Variants in CRYBG1 observed in about 807,000 individuals in gnomAD.
CRYBG1 encodes crystallin beta-gamma domain containing 1, also known as beta/gamma crystallin domain-containing protein 1.
Under a neutral mutation model 189.2 loss-of-function variants are expected in CRYBG1, and 139 were observed. The observed-to-expected ratio is 0.73, with a 90% confidence interval of 0.64 to 0.85. CRYBG1 has a LOEUF of 0.85. CRYBG1 is among the 40% of genes least tolerant of loss of function. The probability of loss-of-function intolerance (pLI) is 0.00; values close to 1 mark genes in which losing one functional copy is unlikely to be tolerated. For missense variants in CRYBG1, 2,611 were observed against 2,675.8 expected (o/e 0.98, Z 0.53); for synonymous variants, 1,023 against 1,017.1 (o/e 1.01, Z -0.11).
chr6:106,447,685 G>A (rs545940266), intron 1 of CRYBG1, among the ~76,000 whole-genome samples: 6 of 151,864 alleles, frequency 4.0e-5, no homozygotes, highest in African/African-American at 1.5e-4. Context: ...ATTTATTAAG[G>A]TTGGCTTTTA....
chr6:106,483,382 A>G (rs61597792), intron 2 of CRYBG1, among the ~76,000 whole-genome samples: 50 of 112,510 alleles, frequency 4.4e-4, no homozygotes, highest in African/African-American at 1.2e-3. Flanking sequence ...GTGTGTGTAT[A>G]TATATATAGA....
At chr6:106,481,715 G>T (rs1399371046) in intron 2 of CRYBG1, among the ~76,000 whole-genome samples, 3 of 152,178 alleles carry the variant, frequency 2.0e-5, no homozygotes, top group Non-Finnish European at 2.9e-5. Context: ...GGGAAATGAG[G>T]CTGGGGTATT....
At chr6:106,479,592 G>A (rs763011321) in intron 2 of CRYBG1, among the ~76,000 whole-genome samples, 10 of 152,044 alleles carry the variant, frequency 6.6e-5, no homozygotes, top group Non-Finnish European at 1.5e-4. Flanking sequence ...ACCAACACTC[G>A]TTGTCTTTTT....
chr6:106,364,437 A>G (rs1449265268), intron 1 of CRYBG1, among the ~76,000 whole-genome samples: 3 of 152,226 alleles, frequency 2.0e-5, no homozygotes, highest in Non-Finnish European at 4.4e-5. Context: ...TGGTATAGAC[A>G]TTCTAATCAA....
intron 2 of CRYBG1, among the ~76,000 whole-genome samples, chr6:106,462,826 C>G (rs1251385626): frequency 1.3e-5 from 2 of 152,158 alleles, no homozygotes; most frequent in Admixed American, 6.5e-5. Context: ...GATCTTAACC[C>G]AGACTTTACT....
chr6:106,497,130 A>T (rs1476106497), intron 2 of CRYBG1, among the ~76,000 whole-genome samples: 1 of 152,156 alleles, frequency 6.6e-6, no homozygotes, highest in Non-Finnish European at 1.5e-5. Flanking sequence ...TGACACATAT[A>T]GTCCTAACCT....
At chr6:106,444,633 A>G (rs1771629919) in intron 1 of CRYBG1, among the ~76,000 whole-genome samples, 1 of 152,220 alleles carries the variant, frequency 6.6e-6, no homozygotes, top group Admixed American at 6.5e-5. Flanking sequence ...AATCATCAAA[A>G]TCAACATACT....
At chr6:106,423,942 C>A (rs1164032942) in intron 1 of CRYBG1, among the ~76,000 whole-genome samples, 2 of 151,940 alleles carry the variant, frequency 1.3e-5, no homozygotes, top group Admixed American at 6.6e-5. Flanking sequence ...TGGGCTCAAG[C>A]AATCTGCGCA....
intron 1 of CRYBG1, among the ~76,000 whole-genome samples, chr6:106,390,520 A>G (rs2114335447): frequency 6.6e-6 from 1 of 152,298 alleles, no homozygotes; most frequent in African/African-American, 2.4e-5. Flanking sequence ...TTGTGTATAT[A>G]CATGTAACCA....
At chr6:106,372,994 G>A (rs936280252) in intron 1 of CRYBG1, among the ~76,000 whole-genome samples, 7 of 152,150 alleles carry the variant, frequency 4.6e-5, no homozygotes, top group Admixed American at 2.6e-4. Flanking sequence ...CTCATTGAAC[G>A]AGTAGTTGGT....
rs771771321 is a variant in CRYBG1, at chr6:106,555,807, A to G, written c.5625A>G (p.Gln1875=). 50 of 1,614,168 alleles carry G rather than the reference A, an allele frequency of 3.1e-5. 1 individual carries two copies. In the East Asian group the frequency reaches 6.2e-4, roughly 20 times the overall value. The change falls in exon 17 of 22, where the codon CAA becomes CAG. Residue 1875 remains glutamine, a synonymous_variant. Coordinates refer to ENST00000633556, the MANE Select transcript of CRYBG1 (RefSeq NM_001371242.2). ...ATGGAGAAAATTTCACTGGTAATCA[A>G]TACGTGTTGGAAGAAGGCCATTATC... is the stretch of plus-strand genomic sequence containing the variant. ...VYDGENFTGN[Q]YVLEEGHYPC...
chr6:106,377,288 C>A (rs765850810), intron 1 of CRYBG1, among the ~76,000 whole-genome samples: 1 of 150,954 alleles, frequency 6.6e-6, no homozygotes, highest in Admixed American at 6.6e-5. Flanking sequence ...GTTTTGTGAG[C>A]TGAATGGATA....
chr6:106,553,494 C>A lies in CRYBG1; in HGVS notation c.5512C>A (p.Gln1838Lys). The change falls in exon 16 of 22, where the codon CAA becomes AAA. Residue 1838 changes from glutamine to lysine, a missense_variant. Gln to Lys is a moderately conservative substitution (Grantham distance 53). Coordinates refer to ENST00000633556, the MANE Select transcript of CRYBG1 (RefSeq NM_001371242.2). ...AGAACCACAGTTTCAAGGTCACAGT[C>A]AAAGTTTTGAAGAAACAACAAGTCA... ...FSEPQFQGHSQSFEETTSQID... is the reference protein window; with the variant it reads ...FSEPQFQGHSKSFEETTSQID... 2 of 1,613,830 alleles carry A rather than the reference C, an allele frequency of 1.2e-6. No homozygotes were observed. The highest frequency in any genetic ancestry group is 1.1e-5 in the South Asian group (1 of 91,054).
At chr6:106,558,888 A>G (rs1012273774) in intron 18 of CRYBG1, among the ~76,000 whole-genome samples, 1 of 152,178 alleles carries the variant, frequency 6.6e-6, no homozygotes, top group Non-Finnish European at 1.5e-5. Flanking sequence ...ACTTGAGCAC[A>G]GTAGGTTGAG....
chr6:106,488,218 G>A (rs1367317055), intron 2 of CRYBG1, among the ~76,000 whole-genome samples: 1 of 152,184 alleles, frequency 6.6e-6, no homozygotes, highest in Non-Finnish European at 1.5e-5. Flanking sequence ...AGATTATGTG[G>A]TGGGCTCTCC....
intron 2 of CRYBG1, among the ~76,000 whole-genome samples, chr6:106,488,091 C>T (rs1341026634): frequency 6.6e-6 from 1 of 152,116 alleles, no homozygotes; most frequent in Non-Finnish European, 1.5e-5. Context: ...ACCTGCAATG[C>T]CTGTGATTAG....
At chr6:106,495,127 A>C (rs1772815422) in intron 2 of CRYBG1, among the ~76,000 whole-genome samples, 1 of 152,194 alleles carries the variant, frequency 6.6e-6, no homozygotes, top group Admixed American at 6.5e-5. Context: ...CCTCTTTAAC[A>C]CTTTCAACTC....
In CRYBG1 at chr6:106,521,165, A is replaced by C. The variant is rs766542926; in HGVS notation, c.3957A>C (p.Thr1319=). The C allele has an allele frequency of 5.0e-6, 8 of 1,614,092 alleles. No homozygotes were observed. The African/African-American group carries it at 9.3e-5, about 19-fold the overall frequency. The part of the protein sequence containing the change: ...LKVFNFNSSS[T]SHSSLKSPSH... ...TCTTCAATTTCAACTCGTCAAGTAC[A>C]TCACACTCCAGTTTGAAAAGTCCAA... Residue 1319 remains threonine, a synonymous_variant, in exon 4 of 22, where the codon ACA becomes ACC. Coordinates refer to ENST00000633556, the MANE Select transcript of CRYBG1 (RefSeq NM_001371242.2).
Position 106,544,671 on chromosome 6 carries a change from C to G in CRYBG1, c.5140C>G (p.Leu1714Val). 1 of 1,614,024 alleles carries G rather than the reference C, an allele frequency of 6.2e-7. No homozygotes were observed. The highest frequency in any genetic ancestry group is 8.5e-7 in the Non-Finnish European group (1 of 1,179,978). Residue 1714 changes from leucine (L) to valine (V), a missense_variant, in exon 12 of 22, where the codon CTT becomes GTT. Leu to Val is a conservative substitution (Grantham distance 32). This residue lies in a region of CRYBG1 where 1,622 missense variants were observed against 1,735.0 expected (regional missense o/e 0.93). Coordinates refer to ENST00000633556, the MANE Select transcript of CRYBG1 (RefSeq NM_001371242.2). The part of the protein sequence containing the change: ...WKAWGGYNGE[L>V]QSLRPILGDF... ...AGCCTGGGGAGGTTACAATGGAGAGCTTCAGTCTTTACGACCTATATTAGG... is the reference window on the plus strand; with the variant it reads ...AGCCTGGGGAGGTTACAATGGAGAGGTTCAGTCTTTACGACCTATATTAGG...
Sources: allele counts gnomAD v4.1 joint callset (sites outside exome capture counted in the v4.1 genomes callset), GRCh38; gene constraint gnomAD v4.1.1; regional missense constraint gnomAD v4.1.1; transcripts MANE v1.5; gene names NCBI Gene and HGNC (gene_info 2026-07-23, HGNC 2026-07-21).